Variants in CEP162 observed in about 807,000 individuals in gnomAD.
CEP162 encodes centrosomal protein of 162 kDa.
Under a neutral mutation model 169.2 loss-of-function variants are expected in CEP162, and 141 were observed. The observed-to-expected ratio is 0.83, with a 90% CI of 0.73 to 0.96. The LOEUF is 0.96. CEP162 is among the 40% of genes least tolerant of loss of function. The probability of loss-of-function intolerance (pLI) is 0.00; values close to 1 mark genes in which losing one functional copy is unlikely to be tolerated. For synonymous variants in CEP162, 540 were observed against 526.4 expected (o/e 1.03, Z -0.35); for missense variants, 1,600 against 1,587.2 (o/e 1.01, Z -0.14).
intron 17 of CEP162, 27 bp downstream of exon 17, chr6:84,171,579 G>A: frequency 2.3e-6 from 2 of 882,016 alleles, no homozygotes; most frequent in South Asian, 2.1e-5. Context: ...AAGTATATTT[G>A]ATTTTAAGAA....
chr6:84,215,501 C>T (rs1367414529), intron 4 of CEP162, 36 bp from the exon 5 acceptor site: 6 of 1,432,410 alleles, frequency 4.2e-6, no homozygotes, highest in Admixed American at 2.7e-5. Flanking sequence ...TAGTAATATA[C>T]AGAATTTTGA....
At chr6:84,148,757 C>T (rs1562013048) in intron 24 of CEP162, among the ~76,000 whole-genome samples, 1 of 151,932 alleles carries the variant, frequency 6.6e-6, no homozygotes, top group Non-Finnish European at 1.5e-5. Flanking sequence ...AAAATTGAAG[C>T]CTACAGACAA....
At chr6:84,209,830 T>A (rs987457021) in intron 6 of CEP162, among the ~76,000 whole-genome samples, 1 of 152,160 alleles carries the variant, frequency 6.6e-6, no homozygotes, top group Non-Finnish European at 1.5e-5. Context: ...AATACTAGCA[T>A]CCAGTACATG....
At position 84,182,009 on chromosome 6, in the gene CEP162, T is replaced by C. The variant is rs930315448; in HGVS notation, c.1663+3178A>G. Among the ~76,000 whole-genome samples the C allele has an allele frequency of 2.0e-5, 3 of 152,092 alleles. No individual in the cohort carries two copies. The East Asian group carries it at 5.8e-4, about 29-fold the overall frequency. ...AATCTTTTCCTTGTATTTTCAGATA[T>C]ACAATTTCTTAGGAAGAAATTTCTT... is the stretch of plus-strand genomic sequence containing the variant. On this transcript the variant is annotated intron_variant, in intron 13 of 26. Coordinates refer to ENST00000403245, the MANE Select transcript of CEP162 (RefSeq NM_014895.4).
At chr6:84,163,966 A>C (rs1439452758) in intron 18 of CEP162, among the ~76,000 whole-genome samples, 1 of 151,488 alleles carries the variant, frequency 6.6e-6, no homozygotes, top group Non-Finnish European at 1.5e-5. Context: ...CTGACAAAGG[A>C]CTAATATCCA....
intron 13 of CEP162, among the ~76,000 whole-genome samples, chr6:84,183,736 T>A (rs1006209443): frequency 6.6e-6 from 1 of 152,146 alleles, no homozygotes; most frequent in Admixed American, 6.6e-5. Flanking sequence ...AACCCAACTG[T>A]TTTACTAAGT....
intron 3 of CEP162, chr6:84,219,180 T>C (rs1332168674): frequency 7.8e-7 from 1 of 1,289,060 alleles, no homozygotes; most frequent in Non-Finnish European, 1.0e-6. Context: ...ACACTCTTGA[T>C]ACAGGAATCA....
rs530716294 is a variant in CEP162, at chr6:84,128,695, CT to C, written c.3871-2184del. On this transcript the variant is annotated intron_variant, in intron 25 of 26. Coordinates refer to ENST00000403245, the MANE Select transcript of CEP162 (RefSeq NM_014895.4). ...TGCACAGTTCCTAGTAAACATTAAACTTTTTTTTTTAAGTTATACTTTGTTC... is the reference window on the plus strand; with the variant it reads ...TGCACAGTTCCTAGTAAACATTAAACTTTTTTTTTAAGTTATACTTTGTTC... Among the ~76,000 whole-genome samples, 1,240 of 149,540 alleles carry C rather than the reference CT, an allele frequency of 8.3e-3. 4 individuals are homozygous for C. Among genetic ancestry groups the C allele is most frequent in the Middle Eastern group, 0.017 (5 of 288 alleles).
chr6:84,169,924 G>A (rs150227435), intron 17 of CEP162, among the ~76,000 whole-genome samples: 1 of 152,188 alleles, frequency 6.6e-6, no homozygotes, highest in Non-Finnish European at 1.5e-5. Flanking sequence ...TTCCACATAA[G>A]ATCATCTAAC....
At chr6:84,144,596 CTTCTGATAACTTCAAGATCA>C (rs928053576) in intron 25 of CEP162, among the ~76,000 whole-genome samples, 37 of 152,164 alleles carry the variant, frequency 2.4e-4, no homozygotes, top group African/African-American at 8.9e-4. Context: ...CAAATACAGG[CTTCTGATAACTTCAAGATCA>C]TACCATTTGG....
Position 84,152,538 on chromosome 6 carries a change from A to T in CEP162, c.3629+7T>A. The T allele has an allele frequency of 7.5e-7, 1 of 1,338,042 alleles. No homozygotes were observed. Among genetic ancestry groups the T allele is most frequent in the Non-Finnish European group, 9.9e-7 (1 of 1,011,280 alleles). The allele number at this position is 1,338,042 out of a possible 1,614,324, so 82.9% of individuals were successfully genotyped here. On this transcript the variant is annotated splice_region_variant and intron_variant, in intron 23 of 26. Transcript: ENST00000403245. ...TACAAATATTTATAAATAATTTAACATTTTACCTTCTCATGGAGTTTTCAA... is the reference window on the plus strand; with the variant it reads ...TACAAATATTTATAAATAATTTAACTTTTTACCTTCTCATGGAGTTTTCAA...
chr6:84,220,024 T>C (rs1338099831), intron 3 of CEP162, among the ~76,000 whole-genome samples: 1 of 152,134 alleles, frequency 6.6e-6, no homozygotes, highest in Non-Finnish European at 1.5e-5. Flanking sequence ...AAGCATGAGA[T>C]AATGCACAGA....
intron 25 of CEP162, among the ~76,000 whole-genome samples, chr6:84,133,147 G>T (rs1043239102): frequency 6.6e-6 from 1 of 152,154 alleles, no homozygotes; most frequent in East Asian, 1.9e-4. Flanking sequence ...GTTTGCCTGG[G>T]TATCACCAGC....
intron 14 of CEP162, 85 bp downstream of exon 14, chr6:84,175,129 C>A (rs888646879): frequency 1.1e-5 from 11 of 987,892 alleles, no homozygotes; most frequent in South Asian, 2.0e-5. Context: ...ACATTTCAGT[C>A]CTTATTATAT....
chr6:84,170,179 CT>C (rs2099529444), intron 17 of CEP162, among the ~76,000 whole-genome samples: 1 of 151,920 alleles, frequency 6.6e-6, no homozygotes, highest in South Asian at 2.1e-4. Context: ...AGAGACCATC[CT>C]GGCTAACATG....
chr6:84,219,907 T>G (rs1227016303), intron 3 of CEP162, among the ~76,000 whole-genome samples: 1 of 152,034 alleles, frequency 6.6e-6, no homozygotes, highest in Non-Finnish European at 1.5e-5. Context: ...AAGGAGAAAC[T>G]AATTGTGACA....
intron 25 of CEP162, among the ~76,000 whole-genome samples, chr6:84,145,518 T>A (rs1288802347): frequency 1.3e-5 from 2 of 152,120 alleles, no homozygotes; most frequent in Non-Finnish European, 2.9e-5. Context: ...CTGTGCTTCA[T>A]TAGAAAACTG....
At position 84,152,671 on chromosome 6, in the gene CEP162, T is replaced by C; in HGVS notation, c.3503A>G (p.His1168Arg). The change falls in exon 23 of 27, where the codon CAT becomes CGT. Residue 1168 changes from histidine to arginine, a missense_variant. Physicochemically the swap from His to Arg is conservative, Grantham distance 29. Coordinates refer to ENST00000403245, the MANE Select transcript of CEP162 (RefSeq NM_014895.4). ...LYQPHTFTDS[H>R]VSEVLQENYR... ...GTTTTCTTGTAAAACTTCTGAAACA[T>C]GGGAATCAGTGAAAGTATGTGGTTG... 1 of 1,611,914 alleles carries C rather than the reference T, an allele frequency of 6.2e-7. No individual in the cohort carries two copies. Among genetic ancestry groups the C allele is most frequent in the African/African-American group, 1.3e-5 (1 of 75,028 alleles).
intron 18 of CEP162, among the ~76,000 whole-genome samples, chr6:84,164,912 G>T (rs1467155967): frequency 6.6e-6 from 1 of 152,038 alleles, no homozygotes; most frequent in Non-Finnish European, 1.5e-5. Flanking sequence ...CTGGCTCCTT[G>T]CAGGGTTAAC....
Sources: allele counts gnomAD v4.1 joint callset (sites outside exome capture counted in the v4.1 genomes callset), GRCh38; gene constraint gnomAD v4.1.1; transcripts MANE v1.5; gene names NCBI Gene and HGNC (gene_info 2026-07-23, HGNC 2026-07-21).